CNOT1: variants seen among roughly 807,000 people sequenced by gnomAD.
CNOT1 encodes the protein CCR4-NOT transcription complex subunit 1.
In CNOT1, 15 loss-of-function variants were observed where a neutral mutation model predicts 273.8. The observed-to-expected ratio is 0.05, with a 90% CI of 0.04 to 0.08. The LOEUF is 0.08. Among genes scored for constraint, CNOT1 ranks in the 10% least tolerant of loss-of-function variants. The pLI, the probability that CNOT1 is intolerant of heterozygous loss-of-function variation, is 1.00. For missense variants in CNOT1, 1,644 were observed against 2,912.2 expected, an observed-to-expected ratio of 0.56 and a Z score of 10.02; for synonymous variants, 1,022 against 1,005.5, an observed-to-expected ratio of 1.02 and a Z score of -0.31.
At chr16:58,523,662 C>A in intron 46 of CNOT1, 160 bp from the exon 47 acceptor site, 1 of 523,308 alleles carries the variant, frequency 1.9e-6, no homozygotes. Context: ...CATTTCTGTG[C>A]GTTTTATTTC....
chr16:58,601,872 TAAAA>T (rs10713432), intron 1 of CNOT1, among the ~76,000 whole-genome samples: 1 of 144,286 alleles, frequency 6.9e-6, no homozygotes. Context: ...CCCTGTCTAT[TAAAA>T]AAAAAAAAAA....
chr16:58,597,474 CAAAA>C (rs35732148), intron 2 of CNOT1: 4 of 174,306 alleles, frequency 2.3e-5, no homozygotes, highest in African/African-American at 5.2e-5. Flanking sequence ...AACTCTGTCT[CAAAA>C]AAAAAAGAAA....
At chr16:58,618,931 G>A (rs1012030737) in intron 1 of CNOT1, among the ~76,000 whole-genome samples, 4 of 151,996 alleles carry the variant, frequency 2.6e-5, no homozygotes, top group African/African-American at 7.2e-5. Flanking sequence ...GGTGGCTCCC[G>A]CCTGTAATCC....
chr16:58,575,060 G>C lies in CNOT1; in HGVS notation c.1774C>G (p.Arg592Gly), dbSNP rs2041411815. Residue 592 changes from arginine (R) to glycine (G), a missense_variant, in exon 15 of 49, where the codon CGT (arginine) becomes GGT (glycine). Physicochemically the swap from Arg to Gly is moderately radical, Grantham distance 125. This residue lies in a region of CNOT1 where 706 missense variants were observed against 1,021.2 expected (regional missense o/e 0.69). Coordinates refer to ENST00000317147, the MANE Select transcript of CNOT1 (RefSeq NM_016284.5). ...CACTTATCAAGTTTGAGGTATTCAC[G>C]ACGTGAAGCAAGTGCAGCAAGGTCA... ...VIDLAALASRREYLKLDKWLT... is the reference protein window; with the variant it reads ...VIDLAALASRGEYLKLDKWLT... 1 of 1,613,948 alleles carries C rather than the reference G, an allele frequency of 6.2e-7. No homozygotes were observed. The highest frequency in any genetic ancestry group is 1.3e-5 in the African/African-American group (1 of 74,904).
chr16:58,622,685 A>G (rs951376629), intron 1 of CNOT1, among the ~76,000 whole-genome samples: 5 of 151,266 alleles, frequency 3.3e-5, no homozygotes, highest in Non-Finnish European at 7.4e-5. Flanking sequence ...TGTCTCTACT[A>G]AAAATACAAA....
rs1356221168 is a variant in CNOT1, at chr16:58,537,043, A to C, written c.5592T>G (p.His1864Gln). 6.2e-7 allele frequency: 1 copy of C among 1,614,128 alleles called. No individual in the cohort carries two copies. The highest frequency in any genetic ancestry group is 2.2e-5 in the East Asian group (1 of 44,888). The change falls in exon 39 of 49, where the codon CAT becomes CAG. Residue 1864 changes from histidine (H) to glutamine (Q), a missense_variant. His to Gln is a conservative substitution (Grantham distance 24). Coordinates refer to ENST00000317147, the MANE Select transcript of CNOT1 (RefSeq NM_016284.5). ...YLLREWVNLY[H>Q]SAAAGRDSTK... ...TACTGTCGCGGCCAGCTGCTGCTGA[A>C]TGGTAGAGATTCACCCATTCCCTCA...
chr16:58,598,561 C>G (rs905859042), intron 2 of CNOT1, among the ~76,000 whole-genome samples: 1 of 150,708 alleles, frequency 6.6e-6, no homozygotes, highest in South Asian at 2.1e-4. Flanking sequence ...AGAGCTCAGG[C>G]TCCTCCAGGA....
At chr16:58,617,582 TTAAGA>T (rs1360642887) in intron 1 of CNOT1, among the ~76,000 whole-genome samples, 1 of 152,152 alleles carries the variant, frequency 6.6e-6, no homozygotes, top group African/African-American at 2.4e-5. Flanking sequence ...TCTCAAGCAT[TTAAGA>T]TAAGCGATAT....
At chr16:58,627,550 A>C (rs552588229) in intron 1 of CNOT1, among the ~76,000 whole-genome samples, 149 of 151,920 alleles carry the variant, frequency 9.8e-4, no homozygotes, top group Non-Finnish European at 1.8e-3. Context: ...TTGTTTTCAT[A>C]GCTTTTTTTA....
intron 34 of CNOT1, among the ~76,000 whole-genome samples, chr16:58,541,193 A>C (rs1456516396): frequency 2.0e-5 from 3 of 152,206 alleles, no homozygotes; most frequent in African/African-American, 7.2e-5. Context: ...TGACAGAGAA[A>C]GACCCTGTCT....
intron 2 of CNOT1, among the ~76,000 whole-genome samples, chr16:58,597,223 C>T (rs1466441338): frequency 6.6e-6 from 1 of 151,918 alleles, no homozygotes; most frequent in Non-Finnish European, 1.5e-5. Flanking sequence ...CCTGTAATCA[C>T]AGCACTTTGG....
At chr16:58,539,480 C>CACACACACACACACACACAG (rs1555494952) in intron 35 of CNOT1, among the ~76,000 whole-genome samples, 4,211 of 148,534 alleles carry the variant, frequency 0.028, 63 homozygotes, top group South Asian at 0.035. Context: ...CACACACACA[C>CACACACACACACACACACAG]ACACACACAC....
At chr16:58,552,460 G>A (rs2151932141) in intron 22 of CNOT1, among the ~76,000 whole-genome samples, 1 of 152,142 alleles carries the variant, frequency 6.6e-6, no homozygotes, top group Admixed American at 6.5e-5. Flanking sequence ...CTCTCTCTCT[G>A]GCTATCTTGC....
intron 1 of CNOT1, among the ~76,000 whole-genome samples, chr16:58,624,281 G>A (rs1597628668): frequency 6.6e-6 from 1 of 152,252 alleles, no homozygotes; most frequent in East Asian, 1.9e-4. Context: ...TTGATGCGCA[G>A]GGGAAAACCC....
At chr16:58,535,462 T>C (rs1403567874) in intron 39 of CNOT1, among the ~76,000 whole-genome samples, 4 of 152,142 alleles carry the variant, frequency 2.6e-5, no homozygotes, top group Non-Finnish European at 4.4e-5. Context: ...TAATACACTA[T>C]CTTTTTCAAG....
chr16:58,619,926 T>C (rs1020070311), intron 1 of CNOT1, among the ~76,000 whole-genome samples: 1 of 152,128 alleles, frequency 6.6e-6, no homozygotes, highest in African/African-American at 2.4e-5. Context: ...TGTAGATTAC[T>C]AGAGATAGTC....
rs138460762 is a variant in CNOT1 at position 58,574,709 on chromosome 16, T to C, written c.1879A>G (p.Ile627Val). 1.2e-6 allele frequency: 2 copies of C among 1,607,942 alleles called. No individual in the cohort carries two copies. Among genetic ancestry groups the C allele is most frequent in the Non-Finnish European group, 1.7e-6 (2 of 1,178,928 alleles). ...TTTTCTGGGGCAAGTCCGCCCAAAA[T>C]AGAAGGACACCGTCTCTTTAAAAAA... ...MTFLKRRCPS[I>V]LGGLAPEKDQ... Residue 627 changes from isoleucine to valine, a missense_variant, in exon 16 of 49, where the codon ATT becomes GTT. This residue lies in a region of CNOT1 where 706 missense variants were observed against 1,021.2 expected (regional missense o/e 0.69). Coordinates refer to ENST00000317147, the MANE Select transcript of CNOT1 (RefSeq NM_016284.5).
rs1186309957 is a variant in CNOT1, at chr16:58,542,460, C to T, written c.4543G>A (p.Ala1515Thr). 6.2e-7 allele frequency: 1 copy of T among 1,613,888 alleles called. No individual in the cohort carries two copies. Among genetic ancestry groups the T allele is most frequent in the Non-Finnish European group, 8.5e-7 (1 of 1,180,024 alleles). The change falls in exon 32 of 49, where the codon GCA becomes ACA. Residue 1515 changes from alanine (A) to threonine (T), a missense_variant. Transcript: ENST00000317147. ...AATCTCTTGTCCATCTCAGGGCCTG[C>T]TTTTTCTACTGCAGTCTTCTGAATA... ...CFIQKTAVEK[A>T]GPEMDKRLAT...
At chr16:58,559,866 GCTCTA>G (rs756537173) in intron 17 of CNOT1, 1 of 551,894 alleles carries the variant, frequency 1.8e-6, no homozygotes, top group South Asian at 1.4e-5. Flanking sequence ...AAGTCGTTAT[GCTCTA>G]GCACTGTTGC....
Sources: allele counts gnomAD v4.1 joint callset (sites outside exome capture counted in the v4.1 genomes callset), GRCh38; gene constraint gnomAD v4.1.1; regional missense constraint gnomAD v4.1.1; transcripts MANE v1.5; gene names NCBI Gene and HGNC (gene_info 2026-07-23, HGNC 2026-07-21).